Variants in FRMPD4 observed in about 807,000 individuals in gnomAD.
FRMPD4 encodes FERM and PDZ domain containing 4, also known as FERM and PDZ domain-containing protein 4.
In FRMPD4, 22 loss-of-function variants were observed where a neutral mutation model predicts 94.1. That is an observed-to-expected ratio of 0.23 (90% confidence interval 0.17 to 0.33). FRMPD4 has a LOEUF of 0.33. FRMPD4 is among the 10% of genes least tolerant of loss of function. FRMPD4 has a pLI of 1.00. For synonymous variants in FRMPD4, 631 were observed against 548.6 expected, an observed-to-expected ratio of 1.15 and a Z score of -2.10; for missense variants, 1,111 against 1,339.9, an observed-to-expected ratio of 0.83 and a Z score of 2.67.
chrX:12,283,435 G>T (rs6639170), intron 1 of FRMPD4, among the ~76,000 whole-genome samples: 26,303 of 111,621 alleles, frequency 0.24, 2,479 homozygotes, highest in Admixed American at 0.46. Flanking sequence ...ATAGTGCAGA[G>T]ATAAATTTTA....
rs142266812 is a variant in FRMPD4, at chrX:12,463,989, T to C, written c.42-34691T>C. Among the ~76,000 whole-genome samples the C allele has an allele frequency of 2.6e-3, 287 of 110,901 alleles. 2 individuals carry two copies. The highest frequency in any genetic ancestry group is 9.1e-3 in the African/African-American group (278 of 30,523). On this transcript the variant is annotated intron_variant, in intron 1 of 16. Coordinates refer to ENST00000675598, the MANE Select transcript of FRMPD4 (RefSeq NM_001368397.1). ...CATCCATTTGTTTACATGTTGTCTA[T>C]AGCTGCTTTTGTGCTACAATGACAG... is the stretch of plus-strand genomic sequence containing the variant.
chrX:12,657,823 A>G (rs1215015131), intron 4 of FRMPD4, among the ~76,000 whole-genome samples: 1 of 112,615 alleles, frequency 8.9e-6, no homozygotes, highest in Non-Finnish European at 1.9e-5. Flanking sequence ...AGACTTTACT[A>G]AACTGCAGGT....
At chrX:12,285,068 C>T (rs1200522745) in intron 1 of FRMPD4, among the ~76,000 whole-genome samples, 1 of 111,574 alleles carries the variant, frequency 9.0e-6, no homozygotes, top group African/African-American at 3.3e-5. Context: ...TCAACTCTTC[C>T]AGCTTTGGAC....
intron 1 of FRMPD4, among the ~76,000 whole-genome samples, chrX:12,418,506 G>A (rs1453198471): frequency 1.8e-5 from 2 of 108,485 alleles, no homozygotes; most frequent in African/African-American, 3.4e-5. Flanking sequence ...TTACAGGCGC[G>A]TGCCACCAAT....
intron 1 of FRMPD4, chrX:12,341,617 T>C (rs994609675): frequency 3.0e-6 from 1 of 328,532 alleles, no homozygotes; most frequent in Admixed American, 3.1e-5. Flanking sequence ...AGCAGTTCAG[T>C]GGCATGAGGT....
chrX:12,163,402 T>A (rs1359800597), intron 1 of FRMPD4, among the ~76,000 whole-genome samples: 3 of 105,407 alleles, frequency 2.8e-5, no homozygotes, highest in African/African-American at 7.2e-5. Context: ...CAGTTTTTTT[T>A]ATCATTCTTG....
chrX:12,242,477 T>C (rs1411324041), intron 1 of FRMPD4, among the ~76,000 whole-genome samples: 1 of 112,554 alleles, frequency 8.9e-6, no homozygotes, highest in Non-Finnish European at 1.9e-5. Flanking sequence ...ATCAATAAAC[T>C]AATCTATAAC....
chrX:12,251,065 T>C (rs1345469112), intron 1 of FRMPD4, among the ~76,000 whole-genome samples: 1 of 111,917 alleles, frequency 8.9e-6, no homozygotes, highest in Non-Finnish European at 1.9e-5. Flanking sequence ...AATGTAAAAA[T>C]GTGGTAAATT....
chrX:12,140,324 G>T (rs371470344), intron 1 of FRMPD4, among the ~76,000 whole-genome samples: 4 of 112,415 alleles, frequency 3.6e-5, no homozygotes, highest in African/African-American at 1.3e-4. Flanking sequence ...TCAGGAAGAG[G>T]TGTTGTCCTG....
chrX:12,621,186 C>T (rs1160787666), intron 4 of FRMPD4, among the ~76,000 whole-genome samples: 1 of 111,640 alleles, frequency 9.0e-6, no homozygotes, highest in African/African-American at 3.3e-5. Context: ...GCCACGATCA[C>T]ACCAGTGGAC....
At chrX:12,112,404 C>T (rs1341856287) in intron 3 of FRMPD4, among the ~76,000 whole-genome samples, 1 of 109,970 alleles carries the variant, frequency 9.1e-6, no homozygotes, top group Non-Finnish European at 1.9e-5. Context: ...ACATCACACA[C>T]TGGGGCTTGT....
At chrX:12,392,397 T>A (rs1302254892) in intron 1 of FRMPD4, among the ~76,000 whole-genome samples, 1 of 101,676 alleles carries the variant, frequency 9.8e-6, no homozygotes, top group African/African-American at 3.5e-5. Context: ...ACGCCTGTAA[T>A]CCCAGCACTT....
intron 1 of FRMPD4, among the ~76,000 whole-genome samples, chrX:11,847,681 A>G (rs1174426469): frequency 9.1e-6 from 1 of 110,459 alleles, no homozygotes; most frequent in African/African-American, 3.3e-5. Flanking sequence ...GCACATATAT[A>G]CCATGGAATA....
rs756171934 is a variant in FRMPD4 at position 11,847,770 on chromosome X, A to G, written c.-160-17316A>G. Among the ~76,000 whole-genome samples, 502 of 106,500 alleles carry G rather than the reference A, an allele frequency of 4.7e-3. 3 individuals are homozygous for G. The highest frequency in any genetic ancestry group is 9.3e-3 in the Middle Eastern group (2 of 215). 92.5% of individuals were successfully genotyped at this position (106,500 alleles called of 115,157 possible). The stretch of plus-strand genomic sequence containing the variant: ...AATTGGAAATCATCATTCTCAGTAA[A>G]CTATCGCAAGAACAAAAAACCAAAC... On this transcript the variant is annotated intron_variant, in intron 1 of 18. Coordinates refer to the FRMPD4 transcript ENST00000640291.
intron 3 of FRMPD4, among the ~76,000 whole-genome samples, chrX:11,924,865 C>A (rs1482623017): frequency 1.8e-5 from 2 of 111,448 alleles, no homozygotes; most frequent in African/African-American, 6.5e-5. Context: ...GCAAAATAAC[C>A]AGCTAACATG....
chrX:12,533,096 T>A (rs1314216768), intron 2 of FRMPD4, among the ~76,000 whole-genome samples: 1 of 111,453 alleles, frequency 9.0e-6, no homozygotes, highest in Non-Finnish European at 1.9e-5. Context: ...TGAATTCCCA[T>A]GTGTTGTAGG....
chrX:12,471,773 T>C (rs2057516120), intron 1 of FRMPD4, among the ~76,000 whole-genome samples: 2 of 112,156 alleles, frequency 1.8e-5, no homozygotes, highest in East Asian at 2.8e-4. Flanking sequence ...TGTCTCTTTA[T>C]AGCAGGGTTT....
chrX:12,139,066 G>A (rs770446012), intron 1 of FRMPD4, 54 bp downstream of exon 1: 170 of 1,003,045 alleles, frequency 1.7e-4, no homozygotes, highest in Non-Finnish European at 2.1e-4. Flanking sequence ...CGGGCAACTT[G>A]GTGCCTTATT....
At chrX:12,448,232 A>G (rs901524163) in intron 1 of FRMPD4, among the ~76,000 whole-genome samples, 1 of 112,328 alleles carries the variant, frequency 8.9e-6, no homozygotes, top group African/African-American at 3.2e-5. Context: ...GAAATGATCT[A>G]TGCATTTGTT....
Sources: allele counts gnomAD v4.1 joint callset (sites outside exome capture counted in the v4.1 genomes callset), GRCh38; gene constraint gnomAD v4.1.1; transcripts MANE v1.5; gene names NCBI Gene and HGNC (gene_info 2026-07-23, HGNC 2026-07-21).